The following TJP2 variants were observed in gnomAD, a reference collection of about 807,000 sequenced individuals.
The protein encoded by TJP2 is Friedreich ataxia region gene X104 (tight junction protein ZO-2).
A neutral mutation model predicts 133.1 loss-of-function variants in TJP2; 91 were observed. The ratio of observed to expected loss-of-function variants is 0.68; its 90% CI spans 0.58 to 0.81. The LOEUF (loss-of-function observed/expected upper bound fraction) is 0.81. Among genes scored for constraint, TJP2 ranks in the 40% least tolerant of loss-of-function variants. The pLI, the probability that TJP2 is intolerant of heterozygous loss-of-function variation, is 0.00. For synonymous variants in TJP2, 592 were observed against 583.4 expected (o/e 1.01, Z -0.21); for missense variants, 1,541 against 1,565.6 (o/e 0.98, Z 0.26).
chr9:69,236,328 C>T, intron 13 of TJP2, 90 bp downstream of exon 13: 1 of 1,304,956 alleles, frequency 7.7e-7, no homozygotes. Flanking sequence ...AAAAGGAAAC[C>T]CCACATGATG....
chr9:69,190,666 A>ATGTG (rs958725470), intron 1 of TJP2, among the ~76,000 whole-genome samples: 15 of 152,166 alleles, frequency 9.9e-5, no homozygotes, highest in African/African-American at 3.6e-4. Context: ...AGGAATTGAG[A>ATGTG]TGTGTGTGTG....
intron 21 of TJP2, among the ~76,000 whole-genome samples, chr9:69,252,284 T>C (rs1831395015): frequency 6.6e-6 from 1 of 152,164 alleles, no homozygotes; most frequent in African/African-American, 2.4e-5. Context: ...CATGAGTCAC[T>C]GCACCCAGCC....
chr9:69,217,451 A>G (rs1464708848), intron 3 of TJP2, among the ~76,000 whole-genome samples: 2 of 152,186 alleles, frequency 1.3e-5, no homozygotes, highest in African/African-American at 2.4e-5. Flanking sequence ...GCTCACGCCT[A>G]TAATCCTGCA....
At chr9:69,219,853 ACC>A (rs1828677770) in intron 4 of TJP2, among the ~76,000 whole-genome samples, 1 of 113,654 alleles carries the variant, frequency 8.8e-6, no homozygotes, top group African/African-American at 3.1e-5. Flanking sequence ...CCTCTACCCC[ACC>A]CCCCACTTTA....
chr9:69,224,448 C>T (rs1016773502), intron 5 of TJP2, among the ~76,000 whole-genome samples: 19 of 152,048 alleles, frequency 1.2e-4, no homozygotes, highest in Admixed American at 5.9e-4. Flanking sequence ...GAGGCCGAGG[C>T]GGGTGGATCA....
intron 12 of TJP2, among the ~76,000 whole-genome samples, chr9:69,235,576 C>A (rs936380068): frequency 1.3e-5 from 2 of 152,114 alleles, no homozygotes; most frequent in African/African-American, 4.8e-5. Context: ...CCCACCTTGG[C>A]CTCCCAAAGT....
chr9:69,190,645 CAAAAG>C (rs1311431982), intron 1 of TJP2, among the ~76,000 whole-genome samples: 1 of 152,124 alleles, frequency 6.6e-6, no homozygotes, highest in African/African-American at 2.4e-5. Flanking sequence ...AAAAATGAGG[CAAAAG>C]AAACCAGGAA....
chr9:69,222,429 G>A (rs1321454811), intron 5 of TJP2, among the ~76,000 whole-genome samples: 1 of 152,142 alleles, frequency 6.6e-6, no homozygotes, highest in African/African-American at 2.4e-5. Context: ...GCCTCCCAAA[G>A]TGCTGGGATT....
chr9:69,194,166 C>G (rs1308574305), intron 1 of TJP2, among the ~76,000 whole-genome samples: 1 of 151,908 alleles, frequency 6.6e-6, no homozygotes, highest in East Asian at 1.9e-4. Context: ...CCTCTGCGCT[C>G]CCACAGCCTT....
intron 20 of TJP2, chr9:69,249,760 A>C (rs1831196606): frequency 1.0e-6 from 1 of 984,856 alleles, no homozygotes; most frequent in South Asian, 4.7e-5. Flanking sequence ...AAGATTGTAA[A>C]GAAAAAGATT....
At chr9:69,243,890 G>A (rs1426496807) in intron 17 of TJP2, among the ~76,000 whole-genome samples, 2 of 149,750 alleles carry the variant, frequency 1.3e-5, no homozygotes, top group African/African-American at 2.5e-5. Context: ...CCCATTGAAA[G>A]TATATAGTTC....
intron 12 of TJP2, among the ~76,000 whole-genome samples, chr9:69,235,295 T>TTTTA (rs929800157): frequency 2.7e-3 from 302 of 113,420 alleles, no homozygotes; most frequent in East Asian, 0.015. Context: ...CCTCCTAATT[T>TTTTA]TTTATTTATT....
chr9:69,240,134 A>T lies in TJP2; in HGVS notation c.2553A>T (p.Ala851=). The T allele has an allele frequency of 6.2e-7, 1 of 1,613,902 alleles. No homozygotes were observed. The highest frequency in any genetic ancestry group is 1.1e-5 in the South Asian group (1 of 91,042). The change falls in exon 17 of 23, where the codon GCA becomes GCT. Residue 851 remains alanine, a synonymous_variant. Coordinates refer to ENST00000377245, the MANE Select transcript of TJP2 (RefSeq NM_004817.4). ...CCAACAAGCTTAAAAAAACGTGTGC[A>T]CACCTTTTTACAGGTAAGTGAAATG... is the stretch of plus-strand genomic sequence containing the variant. ...DQANKLKKTC[A]HLFTATINLN...
chr9:69,151,520 T>A, intron 1 of TJP2: 1 of 820,126 alleles, frequency 1.2e-6, no homozygotes, highest in Non-Finnish European at 1.6e-6. Context: ...GTTGCATAAC[T>A]CTGTGAAGGT....
At chr9:69,168,547 C>T (rs551953207) in intron 2 of TJP2, among the ~76,000 whole-genome samples, 3 of 152,190 alleles carry the variant, frequency 2.0e-5, no homozygotes, top group South Asian at 2.1e-4. Context: ...GTAATCCCAG[C>T]GCTTTGGGAG....
In TJP2 at chr9:69,221,343, C is replaced by T; in HGVS notation, c.799C>T (p.Pro267Ser). 2 of 1,591,970 alleles carry T rather than the reference C, an allele frequency of 1.3e-6. No homozygotes were observed. The highest frequency in any genetic ancestry group is 1.7e-6 in the Non-Finnish European group (2 of 1,169,578). Residue 267 changes from proline (P) to serine (S), a missense_variant, in exon 5 of 23, where the codon CCG becomes TCG. By Grantham distance (74) the Pro-to-Ser change is moderately conservative (BLOSUM62 -1). Coordinates refer to ENST00000377245, the MANE Select transcript of TJP2 (RefSeq NM_004817.4). ...YDPDYERAYS[P>S]EYRRGARHDA... The stretch of plus-strand genomic sequence containing the variant: ...CCCAGACTACGAGCGGGCCTACAGC[C>T]CGGAGTACAGGCGCGGGGCCCGCCA...
At chr9:69,168,884 G>A (rs1824514534) in intron 2 of TJP2, among the ~76,000 whole-genome samples, 1 of 152,066 alleles carries the variant, frequency 6.6e-6, no homozygotes, top group Non-Finnish European at 1.5e-5. Flanking sequence ...GTTAGATGCC[G>A]CTCTCCTGGA....
At chr9:69,245,158 G>A (rs1350664392) in intron 17 of TJP2, among the ~76,000 whole-genome samples, 1 of 152,086 alleles carries the variant, frequency 6.6e-6, no homozygotes, top group Non-Finnish European at 1.5e-5. Context: ...AATTTTCTTC[G>A]GGTTGTCTAA....
At chr9:69,190,808 GTTGTT>G (rs1400578503) in intron 1 of TJP2, among the ~76,000 whole-genome samples, 1 of 152,162 alleles carries the variant, frequency 6.6e-6, no homozygotes, top group Non-Finnish European at 1.5e-5. Context: ...CTGCGTGTTT[GTTGTT>G]TTTTCTGCCT....
Sources: allele counts gnomAD v4.1 joint callset (sites outside exome capture counted in the v4.1 genomes callset), GRCh38; gene constraint gnomAD v4.1.1; transcripts MANE v1.5; gene names NCBI Gene and HGNC (gene_info 2026-07-23, HGNC 2026-07-21).